CD101: variants seen among roughly 807,000 people sequenced by gnomAD.
The protein encoded by CD101 is CD101 molecule.
Under a neutral mutation model 98.2 loss-of-function variants are expected in CD101, and 76 were observed. The observed-to-expected ratio is 0.77, with a 90% CI of 0.64 to 0.94. CD101 has a LOEUF of 0.94. Ranked by LOEUF, CD101 falls within the 40% of genes least tolerant of loss-of-function variation. The probability of loss-of-function intolerance (pLI) is 0.00; values close to 1 mark genes in which losing one functional copy is unlikely to be tolerated. For missense variants in CD101, 1,145 were observed against 1,218.8 expected (o/e 0.94, Z 0.90); for synonymous variants, 471 against 472.7 (o/e 1.00, Z 0.05).
At chr1:117,034,208 TG>T (rs1255956946) in intron 9 of CD101, 74 bp downstream of exon 9, 15 of 1,382,446 alleles carry the variant, frequency 1.1e-5, no homozygotes, top group Non-Finnish European at 1.3e-5. Context: ...TCTGCGGCCT[TG>T]GGCAAGTTAC....
Position 117,021,572 on chromosome 1 carries a change from G to A in CD101, c.2018-1G>A, listed in dbSNP as rs1653583718. The A allele has an allele frequency of 1.3e-6, 2 of 1,557,196 alleles. No homozygotes were observed. Among genetic ancestry groups the A allele is most frequent in the African/African-American group, 1.4e-5 (1 of 72,272 alleles). ...TAACTGTTTCATTTTTTTAAATTTA[G>A]AGAGCAAGCTAAAAGTGAATTCAAG... On this transcript the variant is annotated splice_acceptor_variant, in intron 6 of 9. Transcript: ENST00000682167. LOFTEE classifies it high-confidence loss of function. This position sits in a 1 kb window ranked among gnomAD's most constrained non-coding sequence, Gnocchi z 4.7.
chr1:117,024,233 T>C (rs1293307402), intron 7 of CD101, among the ~76,000 whole-genome samples: 1 of 152,194 alleles, frequency 6.6e-6, no homozygotes, highest in Admixed American at 6.5e-5. Flanking sequence ...TCCCAGCACT[T>C]TGGGAGGCCA....
At chr1:117,027,062 G>T (rs144051333) in intron 8 of CD101, among the ~76,000 whole-genome samples, 2 of 152,262 alleles carry the variant, frequency 1.3e-5, no homozygotes, top group East Asian at 1.9e-4. Context: ...CTGGTTACTT[G>T]CTGTGAGCCT....
chr1:117,029,251 AAGAAAG>A (rs1341965924), intron 8 of CD101, among the ~76,000 whole-genome samples: 2 of 145,348 alleles, frequency 1.4e-5, no homozygotes, highest in Non-Finnish European at 1.5e-5. Flanking sequence ...GAAAGAAAGA[AAGAAAG>A]AAAGAAAGAA....
chr1:117,031,065 C>A (rs1462026991), intron 8 of CD101, among the ~76,000 whole-genome samples: 2 of 152,168 alleles, frequency 1.3e-5, no homozygotes, highest in Non-Finnish European at 2.9e-5. Context: ...TAATTCTAAT[C>A]CAGATATGGG....
At chr1:117,035,246 T>C (rs145927178) in intron 9 of CD101, among the ~76,000 whole-genome samples, 13 of 152,332 alleles carry the variant, frequency 8.5e-5, no homozygotes, top group Admixed American at 4.6e-4. Context: ...CATCTATTTA[T>C]TATCTATGTG....
At position 117,021,501 on chromosome 1, in the gene CD101, G is replaced by T; in HGVS notation, c.2018-72G>T. On this transcript the variant is annotated intron_variant, in intron 6 of 9. Transcript: ENST00000682167. This position sits in a 1 kb window ranked among gnomAD's most constrained non-coding sequence, Gnocchi z 4.7. ...GGCGGGAGGATGCAGTGTCATACTT[G>T]ACCTCTAATGTCTCTACTACCTTAA... 7.6e-7 allele frequency: 1 copy of T among 1,308,536 alleles called. No homozygotes were observed. The highest frequency in any genetic ancestry group is 2.5e-5 in the East Asian group (1 of 40,688). 81.1% of individuals were successfully genotyped at this position (1,308,536 alleles called of 1,614,324 possible). A position where few individuals can be genotyped will look rare whatever the true frequency, so the allele number is the denominator to read the frequency against.
chr1:117,020,821 G>A (rs553816678), intron 6 of CD101, among the ~76,000 whole-genome samples: 1 of 152,290 alleles, frequency 6.6e-6, no homozygotes, highest in East Asian at 1.9e-4. Context: ...ATTTGTTGAA[G>A]GAAGAGTAAA....
chr1:117,007,999 C>T (rs562476710), intron 1 of CD101, among the ~76,000 whole-genome samples: 5 of 152,098 alleles, frequency 3.3e-5, no homozygotes, highest in African/African-American at 7.2e-5. Context: ...TTCTCTAAGA[C>T]GACATTACTG....
chr1:117,028,738 C>T (rs1254072037), intron 8 of CD101, among the ~76,000 whole-genome samples: 2 of 152,086 alleles, frequency 1.3e-5, no homozygotes, highest in Non-Finnish European at 2.9e-5. Context: ...ACAGACTCAG[C>T]TCTTGCAAAG....
chr1:117,029,170 A>G (rs1378766490), intron 8 of CD101, among the ~76,000 whole-genome samples: 1 of 110,136 alleles, frequency 9.1e-6, no homozygotes, highest in African/African-American at 3.8e-5. Flanking sequence ...AAAGAAAGAA[A>G]GAAAGAAAGA....
intron 8 of CD101, among the ~76,000 whole-genome samples, chr1:117,030,702 T>C (rs1654404992): frequency 1.3e-5 from 2 of 152,196 alleles, no homozygotes; most frequent in African/African-American, 4.8e-5. Flanking sequence ...CTGTCAGTGA[T>C]TCACTTATTC....
In CD101 at chr1:117,012,112, G is replaced by C. The variant is rs1299688724; in HGVS notation, c.841+146G>C. ...ATTTAATTTTGTATTTTTGTCATCT[G>C]AGAAGCATAACTAAGAGGGAGCACA... is the stretch of plus-strand genomic sequence containing the variant. On this transcript the variant is annotated intron_variant, in intron 3 of 9. Coordinates refer to ENST00000682167, the MANE Select transcript of CD101 (RefSeq NM_001256106.3). This position sits in a 1 kb window ranked among gnomAD's most constrained non-coding sequence, Gnocchi z 4.0. 4 of 769,800 alleles carry C rather than the reference G, an allele frequency of 5.2e-6. No individual in the cohort carries two copies. The highest frequency in any genetic ancestry group is 1.8e-5 in the African/African-American group (1 of 56,768). 47.7% of individuals were successfully genotyped at this position (769,800 alleles called of 1,614,324 possible).
rs1653563239 is a variant in CD101 at position 117,021,229 on chromosome 1, G to A, written c.2018-344G>A. Among the ~76,000 whole-genome samples, 1 of 152,182 alleles carries A rather than the reference G, an allele frequency of 6.6e-6. No homozygotes were observed. Among genetic ancestry groups the A allele is most frequent in the Non-Finnish European group, 1.5e-5 (1 of 68,030 alleles). On this transcript the variant is annotated intron_variant, in intron 6 of 9. Coordinates refer to ENST00000682167, the MANE Select transcript of CD101 (RefSeq NM_001256106.3). The surrounding 1 kb of genome is among the most constrained non-coding windows in gnomAD (Gnocchi z 4.7). Reference sequence around the variant, plus strand: ...CTTAAATACCGAAGCAGTATCATGTGGAAGAGAGATACTGGGCTTGTCTGT... The same window carrying A: ...CTTAAATACCGAAGCAGTATCATGTAGAAGAGAGATACTGGGCTTGTCTGT...
rs758446030 is a variant in CD101 at position 117,004,066 on chromosome 1, G to A, written c.43+2206G>A. On this transcript the variant is annotated intron_variant, in intron 1 of 9. Coordinates refer to ENST00000682167, the MANE Select transcript of CD101 (RefSeq NM_001256106.3). This position sits in a 1 kb window ranked among gnomAD's most constrained non-coding sequence, Gnocchi z 4.1. ...TAATGTCATGGGTAAATGAGTTCTC[G>A]GATTTAGCAGTTAGCTTTGTCTGCT... is the stretch of plus-strand genomic sequence containing the variant. 7.9e-5 allele frequency among the ~76,000 whole-genome samples: 12 copies of A among 152,176 alleles called. No individual in the cohort carries two copies. The East Asian group carries it at 1.7e-3, about 22-fold the overall frequency.
At position 117,013,649 on chromosome 1, in the gene CD101, T is replaced by C. The variant is rs34814219; in HGVS notation, c.1085T>C (p.Leu362Pro). 4.4e-4 allele frequency: 709 copies of C among 1,614,014 alleles called. 4 individuals carry two copies. The highest frequency in any genetic ancestry group is 7.0e-4 in the Admixed American group (42 of 59,990). ...AAGTTAGGCCCCAAGGCTTTCTCTC[T>C]CAAGATCTTCTCTCTGGGCCCAGAG... ...VSKLGPKAFS[L>P]KIFSLGPEDE... The change falls in exon 4 of 10, where the codon CTC becomes CCC. Residue 362 changes from leucine (L) to proline (P), a missense_variant. By Grantham distance (98) the Leu-to-Pro change is moderately conservative. Transcript: ENST00000682167.
intron 1 of CD101, among the ~76,000 whole-genome samples, chr1:117,002,876 GAA>G: frequency 6.6e-6 from 1 of 152,240 alleles, no homozygotes; most frequent in Non-Finnish European, 1.5e-5. Context: ...CATAACTGAA[GAA>G]AATACTAAAT....
At position 117,022,246 on chromosome 1, in the gene CD101, T is replaced by C. The variant is rs1049737852; in HGVS notation, c.2428+263T>C. Among the ~76,000 whole-genome samples the C allele has an allele frequency of 6.6e-5, 10 of 152,314 alleles. No homozygotes were observed. Among genetic ancestry groups the C allele is most frequent in the Middle Eastern group, 6.8e-3 (2 of 294 alleles). On this transcript the variant is annotated intron_variant, in intron 7 of 9. Coordinates refer to ENST00000682167, the MANE Select transcript of CD101 (RefSeq NM_001256106.3). This position sits in a 1 kb window ranked among gnomAD's most constrained non-coding sequence, Gnocchi z 4.8. Reference sequence around the variant, plus strand: ...TTTGCTTCTCAACCTGGCAGCCTGGTCTGTGCAGCTACCCAGGGTATCGTA... The same window carrying C: ...TTTGCTTCTCAACCTGGCAGCCTGGCCTGTGCAGCTACCCAGGGTATCGTA...
In CD101 at chr1:117,017,160, CTG is replaced by C; in HGVS notation, c.1301_1302del (p.Cys434Ter). 6.2e-7 allele frequency: 1 copy of C among 1,614,214 alleles called. No individual in the cohort carries two copies. The highest frequency in any genetic ancestry group is 1.1e-5 in the South Asian group (1 of 91,084). On this transcript the variant is annotated frameshift_variant, in exon 5 of 10. Transcript: ENST00000682167. LOFTEE classifies it high-confidence loss of function. ...VWEGETLAFLCKAGGAESPLS... is the reference protein window; with the variant it reads ...VWEGETLAFLXKAGGAESPLS... ...GGGAAGGAGAGACACTCGCCTTTCT[CTG>C]TAAGGCTGGTGGAGCTGAAAGTCCC... is the stretch of plus-strand genomic sequence containing the variant.
Sources: allele counts gnomAD v4.1 joint callset (sites outside exome capture counted in the v4.1 genomes callset), GRCh38; gene constraint gnomAD v4.1.1; non-coding constraint Gnocchi (gnomAD v3.1); transcripts MANE v1.5; gene names NCBI Gene and HGNC (gene_info 2026-07-23, HGNC 2026-07-21).